SCN11A: variants seen among roughly 807,000 people sequenced by gnomAD.
The protein encoded by SCN11A is sodium voltage-gated channel alpha subunit 11.
SCN11A carries 122 observed loss-of-function variants against 162.2 expected under a neutral mutation model. The ratio of observed to expected loss-of-function variants is 0.75; its 90% CI spans 0.65 to 0.87. The LOEUF is 0.87. Among genes scored for constraint, SCN11A ranks in the 40% least tolerant of loss-of-function variants. The pLI, the probability that SCN11A is intolerant of heterozygous loss-of-function variation, is 0.00. For missense variants in SCN11A, 2,015 were observed against 2,181.6 expected (o/e 0.92, Z 1.52); for synonymous variants, 758 against 751.5 (o/e 1.01, Z -0.14).
intron 19 of SCN11A, among the ~76,000 whole-genome samples, chr3:38,886,570 C>T (rs1391278228): frequency 6.6e-6 from 1 of 152,022 alleles, no homozygotes; most frequent in Non-Finnish European, 1.5e-5. Flanking sequence ...TTTAAATGTG[C>T]TCTTTCAATT....
intron 2 of SCN11A, among the ~76,000 whole-genome samples, chr3:38,986,639 T>C (rs1230760314): frequency 6.6e-6 from 1 of 151,784 alleles, no homozygotes; most frequent in Non-Finnish European, 1.5e-5. Flanking sequence ...TGTGTGTGTG[T>C]TGTTGTTGTT....
intron 7 of SCN11A, among the ~76,000 whole-genome samples, chr3:38,930,928 T>C (rs1449455566): frequency 1.3e-5 from 2 of 152,136 alleles, no homozygotes; most frequent in African/African-American, 4.8e-5. Context: ...ATAGTGAAAA[T>C]GGCCTCAGAG....
intron 2 of SCN11A, among the ~76,000 whole-genome samples, chr3:39,011,147 C>T (rs578054301): frequency 1.3e-5 from 2 of 152,274 alleles, no homozygotes; most frequent in African/African-American, 4.8e-5. Context: ...TGCTTAAGAC[C>T]CGACCTCCCT....
intron 3 of SCN11A, among the ~76,000 whole-genome samples, chr3:38,955,662 T>C (rs548304571): frequency 2.1e-4 from 32 of 152,226 alleles, no homozygotes; most frequent in African/African-American, 7.7e-4. Context: ...TGCTAGAAAA[T>C]TGATCAAAGA....
intron 28 of SCN11A, among the ~76,000 whole-genome samples, chr3:38,853,666 C>A (rs1398661831): frequency 6.6e-6 from 1 of 152,132 alleles, no homozygotes; most frequent in Non-Finnish European, 1.5e-5. Context: ...CCGAGAATAG[C>A]AGTAAGTAGA....
intron 8 of SCN11A, among the ~76,000 whole-genome samples, chr3:38,925,885 T>C (rs2066132632): frequency 6.6e-6 from 1 of 152,248 alleles, no homozygotes; most frequent in African/African-American, 2.4e-5. Context: ...CAAGCCTGAA[T>C]GTGTAGCCAG....
intron 2 of SCN11A, among the ~76,000 whole-genome samples, chr3:38,971,429 C>T (rs1239990184): frequency 1.3e-5 from 2 of 152,174 alleles, no homozygotes; most frequent in African/African-American, 2.4e-5. Flanking sequence ...AGCAAGCAGG[C>T]AGGTAAAGGG....
intron 19 of SCN11A, among the ~76,000 whole-genome samples, chr3:38,892,467 C>A (rs901400331): frequency 1.3e-5 from 2 of 151,924 alleles, no homozygotes; most frequent in African/African-American, 4.8e-5. Flanking sequence ...CTAATAAGAG[C>A]ACAAAGGATA....
In SCN11A at chr3:38,910,218, GAAAC is replaced by G. The variant is rs761323292; in HGVS notation, c.960-15_960-12del. ...TGTATGGAACAGGCACTAGATATTGGAAACAAACAGAGAAATAATTATGTACGCC... is the reference window on the plus strand; with the variant it reads ...TGTATGGAACAGGCACTAGATATTGGAAACAGAGAAATAATTATGTACGCC... On this transcript the variant is annotated splice_polypyrimidine_tract_variant and intron_variant, in intron 11 of 29. Coordinates refer to ENST00000302328, the MANE Select transcript of SCN11A (RefSeq NM_001349253.2). 6 of 1,599,918 alleles carry G rather than the reference GAAAC, an allele frequency of 3.8e-6. 1 individual carries two copies. In the Admixed American group the frequency reaches 5.2e-5, roughly 14 times the overall value.
In SCN11A at chr3:38,954,666, A is replaced by C. The variant is rs1431362631; in HGVS notation, c.-138-907T>G. ...AACAAACAAACAAAAAAACAAAAAA[A>C]CACACACACACCTAAAGAACCACAT... is the stretch of plus-strand genomic sequence containing the variant. On this transcript the variant is annotated intron_variant, in intron 3 of 29. Coordinates refer to ENST00000302328, the MANE Select transcript of SCN11A (RefSeq NM_001349253.2). Among the ~76,000 whole-genome samples the C allele has an allele frequency of 2.0e-5, 3 of 152,168 alleles. No homozygotes were observed. The East Asian group carries it at 5.8e-4, about 29-fold the overall frequency.
At chr3:38,879,775 A>G (rs2065277729) in intron 23 of SCN11A, among the ~76,000 whole-genome samples, 175 bp downstream of exon 23, 1 of 152,204 alleles carries the variant, frequency 6.6e-6, no homozygotes, top group African/African-American at 2.4e-5. Context: ...AGGAAAGGCT[A>G]AACTGCTTAC....
chr3:39,039,969 C>T (rs1248284954), intron 1 of SCN11A, among the ~76,000 whole-genome samples: 1 of 152,218 alleles, frequency 6.6e-6, no homozygotes, highest in Non-Finnish European at 1.5e-5. Flanking sequence ...GTCTACCTAG[C>T]ACACACCACC....
chr3:38,854,468 A>C (rs1015698000), intron 28 of SCN11A, among the ~76,000 whole-genome samples: 10 of 152,242 alleles, frequency 6.6e-5, no homozygotes, highest in African/African-American at 2.4e-4. Flanking sequence ...AAAAACAGGA[A>C]GATGGGAGAT....
intron 2 of SCN11A, among the ~76,000 whole-genome samples, chr3:39,000,506 G>A (rs1361412386): frequency 6.6e-6 from 1 of 152,096 alleles, no homozygotes; most frequent in African/African-American, 2.4e-5. Context: ...CTAGAAGGGC[G>A]TTCTCAACTC....
chr3:38,938,509 CATATAT>C (rs1166609754), intron 7 of SCN11A, among the ~76,000 whole-genome samples: 1,638 of 35,264 alleles, frequency 0.046, 61 homozygotes, highest in East Asian at 0.083. Flanking sequence ...GGAAAAATAT[CATATAT>C]ATATATATAT....
chr3:38,920,079 T>C (rs1326233106), intron 10 of SCN11A, 78 bp from the exon 11 acceptor site: 9 of 1,089,316 alleles, frequency 8.3e-6, no homozygotes, highest in Non-Finnish European at 1.2e-5. Context: ...ATGCAGATTA[T>C]GCTTGAAAAT....
At chr3:38,992,719 C>T (rs2030490280) in intron 2 of SCN11A, among the ~76,000 whole-genome samples, 2 of 152,202 alleles carry the variant, frequency 1.3e-5, no homozygotes, top group Non-Finnish European at 2.9e-5. Flanking sequence ...GTGGCATGGT[C>T]ACCATATTAC....
chr3:39,012,845 T>C (rs2031185889), intron 2 of SCN11A, among the ~76,000 whole-genome samples: 1 of 152,238 alleles, frequency 6.6e-6, no homozygotes, highest in Admixed American at 6.5e-5. Context: ...ACTTCCTTGC[T>C]TCATAAATTC....
chr3:38,894,242 C>T (rs982580527), intron 19 of SCN11A, among the ~76,000 whole-genome samples: 5 of 152,108 alleles, frequency 3.3e-5, no homozygotes, highest in African/African-American at 1.2e-4. Context: ...CACTTTTCAG[C>T]CAGTCCAAAT....
Sources: allele counts gnomAD v4.1 joint callset (sites outside exome capture counted in the v4.1 genomes callset), GRCh38; gene constraint gnomAD v4.1.1; transcripts MANE v1.5; gene names NCBI Gene and HGNC (gene_info 2026-07-23, HGNC 2026-07-21).